Variants in FOXP4 observed in about 807,000 individuals in gnomAD.
FOXP4 encodes forkhead box protein P4.
In FOXP4, 25 loss-of-function variants were observed where a neutral mutation model predicts 82.6. That is an observed-to-expected ratio of 0.30 (90% CI 0.22 to 0.42). The LOEUF is 0.42. FOXP4 is among the 10% of genes least tolerant of loss of function. The pLI, the probability that FOXP4 is intolerant of heterozygous loss-of-function variation, is 1.00. For synonymous variants in FOXP4, 415 were observed against 388.2 expected (o/e 1.07, Z -0.81); for missense variants, 785 against 900.9 (o/e 0.87, Z 1.65).
rs1767147436 is a variant in FOXP4 at position 41,600,270 on chromosome 6, G to A, written c.*1334G>A. 6.6e-6 allele frequency: 1 copy of A among 152,530 alleles called. No individual in the cohort carries two copies. The highest frequency in any genetic ancestry group is 2.4e-5 in the African/African-American group (1 of 41,444). 9.4% of individuals were successfully genotyped at this position (152,530 alleles called of 1,614,324 possible). A position where few individuals can be genotyped will look rare whatever the true frequency, so the allele number is the denominator to read the frequency against. On this transcript the variant is annotated 3_prime_UTR_variant, in exon 17 of 17. Transcript: ENST00000307972. Reference sequence around the variant, plus strand: ...AGTGGGCACGGGAGCCCTTCTCCCTGACCCTGGGCTGCTTCCTGGGGGCTC... The same window carrying A: ...AGTGGGCACGGGAGCCCTTCTCCCTAACCCTGGGCTGCTTCCTGGGGGCTC...
At chr6:41,566,078 A>C in intron 2 of FOXP4, 114 bp downstream of exon 2, 1 of 1,201,048 alleles carries the variant, frequency 8.3e-7, no homozygotes, top group Non-Finnish European at 1.2e-6. Context: ...TCACTTTACC[A>C]TTCTTAAGAC....
chr6:41,583,625 TGA>T (rs1765928652), intron 3 of FOXP4, among the ~76,000 whole-genome samples: 1 of 151,374 alleles, frequency 6.6e-6, no homozygotes, highest in African/African-American at 2.4e-5. Flanking sequence ...AACTTGGGAG[TGA>T]GAGAGGAAAT....
chr6:41,592,971 G>C (rs751069825), intron 13 of FOXP4, among the ~76,000 whole-genome samples: 2 of 152,142 alleles, frequency 1.3e-5, no homozygotes, highest in Admixed American at 6.5e-5. Context: ...TGGGGAAAGT[G>C]AACGACTAAG....
intron 3 of FOXP4, among the ~76,000 whole-genome samples, chr6:41,582,878 A>G (rs1765880301): frequency 1.3e-5 from 2 of 152,052 alleles, no homozygotes; most frequent in South Asian, 4.1e-4. Flanking sequence ...CCTTCCCAAG[A>G]CCTGCCCTGC....
rs1453785577 is a variant in FOXP4, at chr6:41,588,654, A to T, written c.988A>T (p.Thr330Ser). 5 of 1,614,096 alleles carry T rather than the reference A, an allele frequency of 3.1e-6. No individual in the cohort carries two copies. The East Asian group carries it at 1.1e-4, about 36-fold the overall frequency. The part of the protein sequence containing the change: ...DLGQFIKHLN[T>S]EHALDDRSTA... ...CTCTTCCCCTTGAAGACACCTCAAC[A>T]CAGAGCACGCCCTGGATGACCGGAG... The change falls in exon 9 of 17, where the codon ACA becomes TCA. Residue 330 changes from threonine (T) to serine (S), a missense_variant. Thr to Ser is a moderately conservative substitution (Grantham distance 58, BLOSUM62 1). Around this residue, in one of 3 missense-constraint regions of FOXP4, gnomAD observed 570 missense variants for 634.0 expected, o/e 0.90. Coordinates refer to ENST00000307972, the MANE Select transcript of FOXP4 (RefSeq NM_001012426.2).
At chr6:41,557,674 C>T (rs1764351678) in intron 1 of FOXP4, among the ~76,000 whole-genome samples, 1 of 152,218 alleles carries the variant, frequency 6.6e-6, no homozygotes, top group South Asian at 2.1e-4. Context: ...ACCCAAATTT[C>T]ACTTTTTAAA....
At position 41,597,763 on chromosome 6, in the gene FOXP4, A is replaced by G. The variant is rs764737959; in HGVS notation, c.1726-18A>G. 5 of 1,602,636 alleles carry G rather than the reference A, an allele frequency of 3.1e-6. No individual in the cohort carries two copies. Among genetic ancestry groups the G allele is most frequent in the Non-Finnish European group, 4.2e-6 (5 of 1,178,186 alleles). ...TCCTGTGGAGCCACTGACGAGGCCC[A>G]ACCCTGTGCCCCTGCAGGCCGCCCT... On this transcript the variant is annotated intron_variant, in intron 15 of 16. Transcript: ENST00000307972.
chr6:41,594,739 C>T, intron 13 of FOXP4, 131 bp from the exon 14 acceptor site: 7 of 1,399,392 alleles, frequency 5.0e-6, no homozygotes, highest in Non-Finnish European at 6.8e-6. Context: ...CAGCCCACCC[C>T]CCTCCCCTGC....
At chr6:41,554,214 T>C (rs1764156403) in intron 1 of FOXP4, among the ~76,000 whole-genome samples, 1 of 152,212 alleles carries the variant, frequency 6.6e-6, no homozygotes, top group Non-Finnish European at 1.5e-5. Context: ...AACTGGAACT[T>C]GCCTTTCTGA....
intron 2 of FOXP4, among the ~76,000 whole-genome samples, chr6:41,567,274 T>G (rs748875956): frequency 8.5e-5 from 13 of 152,170 alleles, no homozygotes; most frequent in Non-Finnish European, 1.3e-4. Flanking sequence ...TGCAGCTCAT[T>G]TGTTGATGTG....
At chr6:41,552,279 G>T (rs1764042210) in intron 1 of FOXP4, among the ~76,000 whole-genome samples, 1 of 152,204 alleles carries the variant, frequency 6.6e-6, no homozygotes, top group African/African-American at 2.4e-5. Context: ...CTGGAAGGAA[G>T]GGGTACACTA....
chr6:41,581,483 A>T (rs1326242359), intron 3 of FOXP4, among the ~76,000 whole-genome samples: 4 of 152,208 alleles, frequency 2.6e-5, no homozygotes, highest in Non-Finnish European at 5.9e-5. Context: ...TTAAGTTAGC[A>T]CTTAGCTGCC....
intron 2 of FOXP4, among the ~76,000 whole-genome samples, chr6:41,567,962 G>T (rs978367534): frequency 6.6e-6 from 1 of 152,208 alleles, no homozygotes; most frequent in African/African-American, 2.4e-5. Flanking sequence ...GAACATATTT[G>T]AGACTTAAAA....
At position 41,565,824 on chromosome 6, in the gene FOXP4, A is replaced by G; in HGVS notation, c.64A>G (p.Ser22Gly). The G allele has an allele frequency of 6.2e-7, 1 of 1,613,880 alleles. No individual in the cohort carries two copies. Among genetic ancestry groups the G allele is most frequent in the Non-Finnish European group, 8.5e-7 (1 of 1,179,976 alleles). Reference protein sequence around the residue: ...SAPSGQNGVGSLSGQADGSSG... With the variant: ...SAPSGQNGVGGLSGQADGSSG... Reference sequence around the variant, plus strand: ...TCCATCTGGTCAGAATGGCGTGGGCAGCCTCTCTGGGCAAGCCGATGGCAG... The same window carrying G: ...TCCATCTGGTCAGAATGGCGTGGGCGGCCTCTCTGGGCAAGCCGATGGCAG... Residue 22 changes from serine (S) to glycine (G), a missense_variant, in exon 2 of 17, where the codon AGC becomes GGC. This residue lies in a region of FOXP4 where 570 missense variants were observed against 634.0 expected (regional missense o/e 0.90). Coordinates refer to ENST00000307972, the MANE Select transcript of FOXP4 (RefSeq NM_001012426.2).
At chr6:41,569,990 T>C (rs1315427603) in intron 2 of FOXP4, among the ~76,000 whole-genome samples, 1 of 151,782 alleles carries the variant, frequency 6.6e-6, no homozygotes, top group African/African-American at 2.4e-5. Flanking sequence ...TCCTCCCCCA[T>C]CTGGGCCTCC....
intron 5 of FOXP4, 42 bp downstream of exon 5, chr6:41,585,559 G>A (rs750575943): frequency 2.5e-6 from 4 of 1,580,498 alleles, no homozygotes; most frequent in Admixed American, 3.5e-5. Context: ...CTCACCCCCT[G>A]CCCAGAGCTG....
At chr6:41,579,490 T>C (rs1219612985) in intron 3 of FOXP4, among the ~76,000 whole-genome samples, 1 of 151,962 alleles carries the variant, frequency 6.6e-6, no homozygotes, top group African/African-American at 2.4e-5. Flanking sequence ...CAGCAAACGT[T>C]CCCCCAAACC....
At chr6:41,585,649 G>T in intron 5 of FOXP4, 132 bp downstream of exon 5, 1 of 782,804 alleles carries the variant, frequency 1.3e-6, no homozygotes, top group South Asian at 1.9e-5. Flanking sequence ...AGGGGACCAA[G>T]GATCAGTGTG....
intron 14 of FOXP4, among the ~76,000 whole-genome samples, chr6:41,596,345 C>T (rs1015274300): frequency 9.9e-5 from 15 of 152,160 alleles, no homozygotes; most frequent in African/African-American, 3.6e-4. Context: ...GCCAGAGCCC[C>T]TGGGTAAGGA....
Sources: allele counts gnomAD v4.1 joint callset (sites outside exome capture counted in the v4.1 genomes callset), GRCh38; gene constraint gnomAD v4.1.1; regional missense constraint gnomAD v4.1.1; transcripts MANE v1.5; gene names NCBI Gene and HGNC (gene_info 2026-07-23, HGNC 2026-07-21).